Variants in PIEZO2 observed in about 807,000 individuals in gnomAD.
The protein encoded by PIEZO2 is piezo-type mechanosensitive ion channel component 2.
A neutral mutation model predicts 337.3 loss-of-function variants in PIEZO2; 172 were observed. That is an observed-to-expected ratio of 0.51 (90% CI 0.45 to 0.58). The LOEUF is 0.58. PIEZO2 is among the 20% of genes least tolerant of loss of function. The probability of loss-of-function intolerance (pLI) is 0.00; values close to 1 mark genes in which losing one functional copy is unlikely to be tolerated. For missense variants in PIEZO2, 3,028 were observed against 3,391.3 expected, an observed-to-expected ratio of 0.89 and a Z score of 2.66; for synonymous variants, 1,251 against 1,228.5, an observed-to-expected ratio of 1.02 and a Z score of -0.38.
chr18:11,045,057 A>C (rs1246059467), intron 2 of PIEZO2, among the ~76,000 whole-genome samples: 1 of 151,994 alleles, frequency 6.6e-6, no homozygotes, highest in Non-Finnish European at 1.5e-5. Flanking sequence ...GCACTTTGGG[A>C]GGCCAAAGTG....
chr18:11,029,741 C>T (rs983056651), intron 2 of PIEZO2, among the ~76,000 whole-genome samples: 1 of 152,106 alleles, frequency 6.6e-6, no homozygotes, highest in African/African-American at 2.4e-5. Flanking sequence ...GAGGACCCCT[C>T]TCCCTCCCTG....
chr18:10,753,050 T>C (rs1207214805), intron 27 of PIEZO2, among the ~76,000 whole-genome samples, 171 bp from the exon 28 acceptor site: 1 of 152,232 alleles, frequency 6.6e-6, no homozygotes, highest in Non-Finnish European at 1.5e-5. Context: ...TAGTTAGTAA[T>C]AGACCAATAG....
At chr18:10,820,320 AT>A (rs2040485245) in intron 7 of PIEZO2, among the ~76,000 whole-genome samples, 1 of 149,778 alleles carries the variant, frequency 6.7e-6, no homozygotes. Context: ...AAGCTGTCCT[AT>A]AGCTTATGTG....
chr18:11,136,462 G>A (rs907200801), intron 1 of PIEZO2, among the ~76,000 whole-genome samples: 5 of 152,240 alleles, frequency 3.3e-5, no homozygotes, highest in African/African-American at 9.6e-5. Context: ...GCCAGAGGCT[G>A]TGTGCTATAG....
intron 8 of PIEZO2, 68 bp downstream of exon 8, chr18:10,807,044 T>G: frequency 7.0e-7 from 1 of 1,418,442 alleles, no homozygotes; most frequent in Non-Finnish European, 9.5e-7. Context: ...AGAACAGGAG[T>G]GAATCATTTC....
At position 10,859,954 on chromosome 18, in the gene PIEZO2, A is replaced by G. The variant is rs2041830031; in HGVS notation, c.493-2743T>C. On this transcript the variant is annotated intron_variant, in intron 5 of 55. Coordinates refer to ENST00000674853, the MANE Select transcript of PIEZO2 (RefSeq NM_001378183.1). This position sits in a 1 kb window ranked among gnomAD's most constrained non-coding sequence, Gnocchi z 4.9. ...GTTAGATTAGTAGGTGCAGCTAGGA[A>G]GTTTAAAGTGGGGAGGAAGGATAGA... Among the ~76,000 whole-genome samples, 1 of 152,128 alleles carries G rather than the reference A, an allele frequency of 6.6e-6. No individual in the cohort carries two copies.
At chr18:10,765,859 A>G (rs2038331360) in intron 21 of PIEZO2, among the ~76,000 whole-genome samples, 1 of 152,078 alleles carries the variant, frequency 6.6e-6, no homozygotes. Context: ...GAGTCCAGCA[A>G]TGAGACAGGA....
Position 11,009,886 on chromosome 18 carries a change from C to T in PIEZO2, c.161-30226G>A, listed in dbSNP as rs979792927. Among the ~76,000 whole-genome samples the T allele has an allele frequency of 9.9e-5, 15 of 152,138 alleles. No individual in the cohort carries two copies. Among genetic ancestry groups the T allele is most frequent in the Admixed American group, 5.2e-4 (8 of 15,278 alleles). On this transcript the variant is annotated intron_variant, in intron 2 of 55. Transcript: ENST00000674853. The surrounding 1 kb of genome is among the most constrained non-coding windows in gnomAD (Gnocchi z 4.6). ...GACACAAAGAGAAGACAGCCATCTG[C>T]GAGCCAAAGAGAGAGGCCTCAGGAG... is the stretch of plus-strand genomic sequence containing the variant.
rs917596546 is a variant in PIEZO2 at position 10,783,207 on chromosome 18, T to C, written c.2492+1577A>G. 5.3e-5 allele frequency among the ~76,000 whole-genome samples: 8 copies of C among 152,138 alleles called. No homozygotes were observed. Among genetic ancestry groups the C allele is most frequent in the Non-Finnish European group, 1.2e-4 (8 of 68,028 alleles). On this transcript the variant is annotated intron_variant, in intron 17 of 55. Coordinates refer to ENST00000674853, the MANE Select transcript of PIEZO2 (RefSeq NM_001378183.1). This position sits in a 1 kb window ranked among gnomAD's most constrained non-coding sequence, Gnocchi z 4.3. Reference sequence around the variant, plus strand: ...AATAATTACAACTCCTTCACAAACATATAAATTGGCTCTGCTAACTAAAAT... The same window carrying C: ...AATAATTACAACTCCTTCACAAACACATAAATTGGCTCTGCTAACTAAAAT...
chr18:11,007,840 A>T (rs918086153), intron 2 of PIEZO2, among the ~76,000 whole-genome samples: 8 of 152,200 alleles, frequency 5.3e-5, no homozygotes, highest in Admixed American at 1.3e-4. Context: ...ATCCAGAAGG[A>T]TTTACAGCCA....
chr18:10,724,999 G>A lies in PIEZO2; in HGVS notation c.5029+6408C>T, dbSNP rs2036473521. On this transcript the variant is annotated intron_variant, in intron 36 of 55. Coordinates refer to ENST00000674853, the MANE Select transcript of PIEZO2 (RefSeq NM_001378183.1). This position sits in a 1 kb window ranked among gnomAD's most constrained non-coding sequence, Gnocchi z 5.8. Reference sequence around the variant, plus strand: ...GCCTCACATTACTAAGACTCAAAGCGATGCAGGCCATAGTGCCAGCAAGAG... The same window carrying A: ...GCCTCACATTACTAAGACTCAAAGCAATGCAGGCCATAGTGCCAGCAAGAG... The A allele has an allele frequency of 1.7e-5, 27 of 1,587,610 alleles. No individual in the cohort carries two copies. The highest frequency in any genetic ancestry group is 2.3e-5 in the Non-Finnish European group (27 of 1,160,148).
rs897271867 is a variant in PIEZO2 at position 11,096,041 on chromosome 18, G to A, written c.65-29819C>T. On this transcript the variant is annotated intron_variant, in intron 1 of 55. Transcript: ENST00000674853. The surrounding 1 kb of genome is among the most constrained non-coding windows in gnomAD (Gnocchi z 4.6). The stretch of plus-strand genomic sequence containing the variant: ...GTGCCCAAGGAGAGACTATGAGAGG[G>A]AGGCAGCTTTGCCTCCACTGCATGG... Among the ~76,000 whole-genome samples, 2 of 152,308 alleles carry A rather than the reference G, an allele frequency of 1.3e-5. No individual in the cohort carries two copies. Among genetic ancestry groups the A allele is most frequent in the Middle Eastern group, 3.4e-3 (1 of 294 alleles).
Position 10,973,201 on chromosome 18 carries a change from C to T in PIEZO2, c.286+6334G>A, listed in dbSNP as rs116528968. Among the ~76,000 whole-genome samples the T allele has an allele frequency of 4.2e-3, 647 of 152,318 alleles. 2 individuals are homozygous for T. Among genetic ancestry groups the T allele is most frequent in the African/African-American group, 0.015 (619 of 41,572 alleles). On this transcript the variant is annotated intron_variant, in intron 3 of 55. Transcript: ENST00000674853. The surrounding 1 kb of genome is among the most constrained non-coding windows in gnomAD (Gnocchi z 4.9). ...ACACGGCATTGGCCTAAGGGTTGTT[C>T]ATACGGGTGGGTGTCATGCAGTGCT...
chr18:10,858,343 A>G (rs1037147856), intron 5 of PIEZO2, among the ~76,000 whole-genome samples: 38 of 149,532 alleles, frequency 2.5e-4, no homozygotes, highest in African/African-American at 7.7e-4. Flanking sequence ...AAAAAAAAAA[A>G]AAAAGAAAAG....
intron 2 of PIEZO2, among the ~76,000 whole-genome samples, chr18:11,061,692 C>T (rs2037965461): frequency 6.6e-6 from 1 of 152,020 alleles, no homozygotes; most frequent in Admixed American, 6.6e-5. Context: ...AGGAATCCAA[C>T]TTACAAGGGA....
intron 3 of PIEZO2, among the ~76,000 whole-genome samples, chr18:10,912,964 G>A (rs1462061308): frequency 6.6e-6 from 1 of 151,264 alleles, no homozygotes; most frequent in African/African-American, 2.4e-5. Flanking sequence ...CTGAGTAGGA[G>A]TAAAAAAAAA....
rs550006018 is a variant in PIEZO2, at chr18:10,850,057, T to A, written c.917+5296A>T. Among the ~76,000 whole-genome samples, 2 of 152,202 alleles carry A rather than the reference T, an allele frequency of 1.3e-5. No homozygotes were observed. The highest frequency in any genetic ancestry group is 2.9e-5 in the Non-Finnish European group (2 of 68,042). On this transcript the variant is annotated intron_variant, in intron 7 of 55. Coordinates refer to ENST00000674853, the MANE Select transcript of PIEZO2 (RefSeq NM_001378183.1). This position sits in a 1 kb window ranked among gnomAD's most constrained non-coding sequence, Gnocchi z 4.5. ...CAATTTCAGACCCAGTATCTTAACC[T>A]CCCCTAAGTACACCTATCTCTGTCA...
chr18:10,704,440 G>A lies in PIEZO2; in HGVS notation c.6212C>T (p.Pro2071Leu), dbSNP rs1169699058. Residue 2071 changes from proline (P) to leucine (L), a missense_variant, in exon 42 of 56, where the codon CCC (proline) becomes CTC (leucine). Pro to Leu is a moderately conservative substitution (Grantham distance 98, BLOSUM62 -3). This residue lies in a region of PIEZO2 where 1,925 missense variants were observed against 2,051.9 expected (regional missense o/e 0.94). Coordinates refer to ENST00000674853, the MANE Select transcript of PIEZO2 (RefSeq NM_001378183.1). ...CATCCAGAACCGGCGGCTGGGCCTG[G>A]GGACGGACAACATGGCCCAGAGGAA... is the stretch of plus-strand genomic sequence containing the variant. ...LIFLWAMLSV[P>L]RPSRRFWMMA... is the part of the protein sequence containing the mutation. 4.6e-6 allele frequency: 7 copies of A among 1,537,200 alleles called. No individual in the cohort carries two copies. The highest frequency in any genetic ancestry group is 6.1e-6 in the Non-Finnish European group (7 of 1,146,894).
chr18:10,764,847 T>C (rs1402022368), intron 21 of PIEZO2, among the ~76,000 whole-genome samples: 1 of 152,220 alleles, frequency 6.6e-6, no homozygotes, highest in Admixed American at 6.5e-5. Context: ...CATGTTACCT[T>C]TTAACAAAAC....
Sources: allele counts gnomAD v4.1 joint callset (sites outside exome capture counted in the v4.1 genomes callset), GRCh38; gene constraint gnomAD v4.1.1; regional missense constraint gnomAD v4.1.1; non-coding constraint Gnocchi (gnomAD v3.1); transcripts MANE v1.5; gene names NCBI Gene and HGNC (gene_info 2026-07-23, HGNC 2026-07-21).